The following ANKRD30B variants were observed in gnomAD, a reference collection of about 807,000 sequenced individuals.
The protein encoded by ANKRD30B is ankyrin repeat domain-containing protein 30B.
ANKRD30B carries 144 observed loss-of-function variants against 202.2 expected under a neutral mutation model. The ratio of observed to expected loss-of-function variants is 0.71; its 90% CI spans 0.62 to 0.82. The LOEUF (loss-of-function observed/expected upper bound fraction) is 0.82, where lower values mean the gene tolerates loss of function less well. ANKRD30B is among the 40% of genes least tolerant of loss of function. The pLI is 0.00. For missense variants in ANKRD30B, 1,487 were observed against 1,669.1 expected (o/e 0.89, Z 1.90); for synonymous variants, 508 against 561.3 (o/e 0.91, Z 1.34).
At chr18:14,913,255 A>T in the ANKRD30B span, among the ~76,000 whole-genome samples, 1 of 152,186 alleles carries the variant, frequency 6.6e-6, no homozygotes, top group Non-Finnish European at 1.5e-5. Flanking sequence ...TAAATAAAGG[A>T]TTGCTGCCGA....
At chr18:14,768,857 G>T (rs1300026256) in intron 7 of ANKRD30B, among the ~76,000 whole-genome samples, 1 of 152,130 alleles carries the variant, frequency 6.6e-6, no homozygotes, top group Non-Finnish European at 1.5e-5. Flanking sequence ...CGTCTTACAG[G>T]ATTCTGTTTG....
Position 14,792,130 on chromosome 18 carries a change from C to T in ANKRD30B, c.1825+639C>T, listed in dbSNP as rs184721147. ...CATAAGTTTTCAAACTTTAGAAAAC[C>T]GTCTGAAAACCTTGTTAACAATTCA... On this transcript the variant is annotated intron_variant, in intron 16 of 43. Transcript: ENST00000690538. 8.5e-5 allele frequency among the ~76,000 whole-genome samples: 13 copies of T among 152,188 alleles called. No individual in the cohort carries two copies. The East Asian group carries it at 1.5e-3, about 18-fold the overall frequency.
Position 14,837,194 on chromosome 18 carries a change from T to C in ANKRD30B, c.2848-17T>C. 1 of 1,509,932 alleles carries C rather than the reference T, an allele frequency of 6.6e-7. No individual in the cohort carries two copies. Among genetic ancestry groups the C allele is most frequent in the Non-Finnish European group, 8.9e-7 (1 of 1,123,564 alleles). The allele number at this position is 1,509,932 out of a possible 1,614,324, so 93.5% of individuals were successfully genotyped here. A position where few individuals can be genotyped will look rare whatever the true frequency, so the allele number is the denominator to read the frequency against. On this transcript the variant is annotated splice_polypyrimidine_tract_variant and intron_variant, in intron 34 of 43. Coordinates refer to ENST00000690538, the MANE Select transcript of ANKRD30B (RefSeq NM_001367607.2). ...GTTTTTTTTTTGTGTTTGCTTTCTGTGTTTTGTTTGTAATAGGAGGGAGCA... is the reference window on the plus strand; with the variant it reads ...GTTTTTTTTTTGTGTTTGCTTTCTGCGTTTTGTTTGTAATAGGAGGGAGCA...
At chr18:14,904,281 A>G in the ANKRD30B span, among the ~76,000 whole-genome samples, 2 of 152,224 alleles carry the variant, frequency 1.3e-5, no homozygotes, top group East Asian at 1.9e-4. Context: ...TGTCTAAGCT[A>G]GAGAAACATT....
the ANKRD30B span, among the ~76,000 whole-genome samples, chr18:14,935,514 C>T: frequency 3.9e-4 from 59 of 152,322 alleles, no homozygotes; most frequent in African/African-American, 1.3e-3. Flanking sequence ...CACCTGCAGG[C>T]CACCACTGAC....
At chr18:14,771,343 G>T (rs1322040802) in intron 8 of ANKRD30B, among the ~76,000 whole-genome samples, 1 of 152,136 alleles carries the variant, frequency 6.6e-6, no homozygotes, top group Non-Finnish European at 1.5e-5. Flanking sequence ...AGTACTTAGA[G>T]AAATCCAACT....
chr18:14,906,992 A>T, the ANKRD30B span, among the ~76,000 whole-genome samples: 6 of 152,198 alleles, frequency 3.9e-5, no homozygotes, highest in Non-Finnish European at 5.9e-5. Flanking sequence ...GTTCATATAA[A>T]GACCTGCGAT....
At chr18:14,921,005 G>T in the ANKRD30B span, among the ~76,000 whole-genome samples, 9 of 152,202 alleles carry the variant, frequency 5.9e-5, no homozygotes, top group Admixed American at 6.5e-5. Flanking sequence ...TGTGGACAAA[G>T]AAAATGTTTT....
rs756786397 is a variant in ANKRD30B, at chr18:14,752,562, G to C, written c.222-4G>C. On this transcript the variant is annotated splice_region_variant and splice_polypyrimidine_tract_variant and intron_variant, in intron 1 of 43. Coordinates refer to ENST00000690538, the MANE Select transcript of ANKRD30B (RefSeq NM_001367607.2). ...TTTGCCTAAAAGTCCTCTCACTCTCGTAGGACTGCTCTACACTGGGCCTGT... is the reference window on the plus strand; with the variant it reads ...TTTGCCTAAAAGTCCTCTCACTCTCCTAGGACTGCTCTACACTGGGCCTGT... 1.9e-6 allele frequency: 3 copies of C among 1,608,246 alleles called. No homozygotes were observed. In the African/African-American group the frequency reaches 4.0e-5, roughly 22 times the overall value.
chr18:14,766,189 TC>T (rs1916105180), intron 7 of ANKRD30B, among the ~76,000 whole-genome samples: 1 of 151,806 alleles, frequency 6.6e-6, no homozygotes, highest in African/African-American at 2.4e-5. Flanking sequence ...TAGAAAATTG[TC>T]AGGTCAGGGC....
chr18:14,881,662 TTTC>T, the ANKRD30B span, among the ~76,000 whole-genome samples: 1 of 152,116 alleles, frequency 6.6e-6, no homozygotes, highest in African/African-American at 2.4e-5. Flanking sequence ...ATTGGTATCA[TTTC>T]TTCTTTGAAT....
At chr18:14,817,012 G>T (rs1337834180) in intron 30 of ANKRD30B, 17 of 152,124 alleles carry the variant, frequency 1.1e-4, no homozygotes, top group Non-Finnish European at 2.4e-4. Context: ...GCTAAATGAC[G>T]AGTTAATGGG....
At chr18:14,936,060 G>A in the ANKRD30B span, among the ~76,000 whole-genome samples, 11 of 152,226 alleles carry the variant, frequency 7.2e-5, no homozygotes, top group Non-Finnish European at 1.6e-4. Context: ...GAACCTGAGC[G>A]CTTGAAGAGC....
Position 14,780,040 on chromosome 18 carries a change from G to C in ANKRD30B, c.1482+19G>C, listed in dbSNP as rs540489137. 3.2e-6 allele frequency: 5 copies of C among 1,573,170 alleles called. No homozygotes were observed. The highest frequency in any genetic ancestry group is 4.3e-6 in the Non-Finnish European group (5 of 1,150,550). ...TTCTGGGGTATTGTGTATTATTGCT[G>C]TTATTATTCTCTAAAAATATTAATA... On this transcript the variant is annotated intron_variant, in intron 11 of 43. Coordinates refer to ENST00000690538, the MANE Select transcript of ANKRD30B (RefSeq NM_001367607.2).
chr18:14,796,650 A>C (rs1968917551), intron 18 of ANKRD30B, among the ~76,000 whole-genome samples: 1 of 152,164 alleles, frequency 6.6e-6, no homozygotes, highest in Non-Finnish European at 1.5e-5. Context: ...AGCAGCCTGC[A>C]ATACAATGGG....
At chr18:14,858,777 G>A (rs1972139197), downstream of ANKRD30B, among the ~76,000 whole-genome samples, 1 of 138,786 alleles carries the variant, frequency 7.2e-6, no homozygotes, top group African/African-American at 2.7e-5. Flanking sequence ...GCCAGGCAGA[G>A]GGGCTCCTCA....
chr18:14,755,727 A>G (rs1914240247), intron 4 of ANKRD30B, among the ~76,000 whole-genome samples: 1 of 152,342 alleles, frequency 6.6e-6, no homozygotes, highest in Non-Finnish European at 1.5e-5. Flanking sequence ...TACAAAGGAC[A>G]TGAACTCATC....
the ANKRD30B span, among the ~76,000 whole-genome samples, chr18:14,868,680 G>T: frequency 6.6e-6 from 1 of 152,406 alleles, no homozygotes; most frequent in South Asian, 2.1e-4. Flanking sequence ...GGTATCACTT[G>T]TATCATCAAA....
At chr18:14,821,923 T>C (rs554477350) in intron 30 of ANKRD30B, among the ~76,000 whole-genome samples, 2 of 152,374 alleles carry the variant, frequency 1.3e-5, no homozygotes, top group Admixed American at 1.3e-4. Context: ...TAGATATTTA[T>C]GCTGTTGAAT....
Sources: allele counts gnomAD v4.1 joint callset (sites outside exome capture counted in the v4.1 genomes callset), GRCh38; gene constraint gnomAD v4.1.1; transcripts MANE v1.5; gene names NCBI Gene and HGNC (gene_info 2026-07-23, HGNC 2026-07-21).